Variants in TAFA1 observed in about 807,000 individuals in gnomAD.
The protein encoded by TAFA1 is chemokine-like protein TAFA-1.
TAFA1 carries 4 observed loss-of-function variants against 18.5 expected under a neutral mutation model. That is an observed-to-expected ratio of 0.22 (90% CI 0.11 to 0.49). The LOEUF (loss-of-function observed/expected upper bound fraction) is 0.49, where lower values mean the gene tolerates loss of function less well. TAFA1 is among the 20% of genes least tolerant of loss of function. TAFA1 has a pLI of 0.98. For missense variants in TAFA1, 147 were observed against 169.0 expected (o/e 0.87, Z 0.72); for synonymous variants, 56 against 55.2 (o/e 1.01, Z -0.06).
intron 3 of TAFA1, among the ~76,000 whole-genome samples, chr3:68,453,742 C>T (rs565282634): frequency 1.3e-5 from 2 of 152,272 alleles, no homozygotes; most frequent in African/African-American, 2.4e-5. Context: ...AGGGTGAATG[C>T]TCATTTTATT....
At chr3:68,161,548 C>A (rs2065924985) in intron 2 of TAFA1, among the ~76,000 whole-genome samples, 1 of 152,138 alleles carries the variant, frequency 6.6e-6, no homozygotes, top group Non-Finnish European at 1.5e-5. Flanking sequence ...TTGTATACCA[C>A]CTTACATTTT....
chr3:68,505,884 C>CTT (rs35014492), intron 3 of TAFA1, among the ~76,000 whole-genome samples: 61 of 150,200 alleles, frequency 4.1e-4, no homozygotes, highest in Middle Eastern at 6.9e-3. Context: ...TATTCTATTT[C>CTT]TTTTTTTTTT....
intron 3 of TAFA1, among the ~76,000 whole-genome samples, chr3:68,452,275 C>T (rs1056215938): frequency 6.6e-6 from 1 of 152,066 alleles, no homozygotes; most frequent in African/African-American, 2.4e-5. Context: ...GTAATCCCTG[C>T]ACTTTGGGAG....
intron 2 of TAFA1, among the ~76,000 whole-genome samples, chr3:68,312,541 C>T (rs2068538210): frequency 6.6e-6 from 1 of 152,158 alleles, no homozygotes; most frequent in Admixed American, 6.5e-5. Flanking sequence ...TCACTAGTCT[C>T]TTTGCTAAAA....
chr3:68,386,337 T>TTAGATTG (rs2070103400), intron 2 of TAFA1, among the ~76,000 whole-genome samples: 3 of 152,168 alleles, frequency 2.0e-5, no homozygotes, highest in African/African-American at 7.2e-5. Context: ...TATCACATTT[T>TTAGATTG]TTAGATTAGG....
At chr3:68,331,195 C>T (rs2068862103) in intron 2 of TAFA1, among the ~76,000 whole-genome samples, 1 of 152,146 alleles carries the variant, frequency 6.6e-6, no homozygotes, top group Non-Finnish European at 1.5e-5. Flanking sequence ...ACAAAGGTCA[C>T]ATATTGTATG....
Position 68,165,975 on chromosome 3 carries a change from C to T in TAFA1, c.118+159231C>T, listed in dbSNP as rs866799912. On this transcript the variant is annotated intron_variant, in intron 2 of 4. Transcript: ENST00000478136. Reference sequence around the variant, plus strand: ...CTGAGAAGGGAATAGTTCATTCTGGCTACAAGAGCTAGAAAACTCCAGCCC... The same window carrying T: ...CTGAGAAGGGAATAGTTCATTCTGGTTACAAGAGCTAGAAAACTCCAGCCC... 5.9e-5 allele frequency among the ~76,000 whole-genome samples: 9 copies of T among 152,298 alleles called. No individual in the cohort carries two copies. The South Asian group carries it at 1.7e-3, about 28-fold the overall frequency.
chr3:68,271,532 T>G (rs2107230324), intron 2 of TAFA1, among the ~76,000 whole-genome samples: 1 of 152,230 alleles, frequency 6.6e-6, no homozygotes, highest in South Asian at 2.1e-4. Flanking sequence ...AAACAGCGAT[T>G]TCTAAGAACC....
chr3:68,391,441 A>G (rs1490997930), intron 2 of TAFA1, among the ~76,000 whole-genome samples: 4 of 152,190 alleles, frequency 2.6e-5, no homozygotes, highest in African/African-American at 9.7e-5. Context: ...ACTCTTCAGG[A>G]TATTATCCAG....
intron 2 of TAFA1, among the ~76,000 whole-genome samples, chr3:68,190,753 G>A (rs1336503980): frequency 6.6e-6 from 1 of 151,768 alleles, no homozygotes; most frequent in Non-Finnish European, 1.5e-5. Context: ...CATGTGGGCT[G>A]TTAAGTTTTT....
At chr3:68,345,552 A>G (rs749147500) in intron 2 of TAFA1, among the ~76,000 whole-genome samples, 1 of 152,194 alleles carries the variant, frequency 6.6e-6, no homozygotes, top group Non-Finnish European at 1.5e-5. Context: ...GAAATCAGCA[A>G]TCCGTTGATA....
At chr3:68,393,619 A>G in intron 2 of TAFA1, among the ~76,000 whole-genome samples, 1 of 152,190 alleles carries the variant, frequency 6.6e-6, no homozygotes, top group Non-Finnish European at 1.5e-5. Flanking sequence ...CCTCTATAAT[A>G]TACTGACAGA....
chr3:68,103,273 A>G (rs1575617553), intron 2 of TAFA1, among the ~76,000 whole-genome samples: 1 of 152,202 alleles, frequency 6.6e-6, no homozygotes, highest in African/African-American at 2.4e-5. Context: ...GAGAAAGTGC[A>G]GGGGAATTAG....
chr3:68,066,431 T>C (rs1465476023), intron 2 of TAFA1, among the ~76,000 whole-genome samples: 3 of 152,336 alleles, frequency 2.0e-5, no homozygotes, highest in South Asian at 4.1e-4. Flanking sequence ...TCTCTGTAGA[T>C]ATATGTAAGC....
chr3:68,035,685 C>T (rs1295185725), intron 2 of TAFA1, among the ~76,000 whole-genome samples: 1 of 152,140 alleles, frequency 6.6e-6, no homozygotes, highest in African/African-American at 2.4e-5. Context: ...TCTGAGTATT[C>T]GCCCAAAAGA....
At chr3:68,172,807 T>C (rs2066073357) in intron 2 of TAFA1, among the ~76,000 whole-genome samples, 1 of 152,058 alleles carries the variant, frequency 6.6e-6, no homozygotes, top group Admixed American at 6.6e-5. Context: ...TAAAAAAAAG[T>C]TCAGGATGGG....
At chr3:68,139,073 A>G (rs1575639593) in intron 2 of TAFA1, among the ~76,000 whole-genome samples, 2 of 152,316 alleles carry the variant, frequency 1.3e-5, no homozygotes. Flanking sequence ...TTAGATGTGC[A>G]TTGATGTGCC....
intron 2 of TAFA1, among the ~76,000 whole-genome samples, chr3:68,388,671 C>T (rs538965276): frequency 1.1e-3 from 164 of 152,128 alleles, no homozygotes; most frequent in African/African-American, 3.4e-3. Flanking sequence ...CATACGCTTT[C>T]GGCCTATATT....
intron 2 of TAFA1, among the ~76,000 whole-genome samples, chr3:68,165,959 G>A (rs1222819008): frequency 6.6e-6 from 1 of 152,166 alleles, no homozygotes; most frequent in Non-Finnish European, 1.5e-5. Context: ...ACTGAGAAGG[G>A]AATAGTTCAT....
Sources: gnomAD v4.1 joint callset for allele counts (sites outside exome capture counted in the v4.1 genomes callset) on GRCh38, gnomAD v4.1.1 for gene constraint, MANE v1.5 for transcripts, NCBI Gene and HGNC (gene_info 2026-07-23, HGNC 2026-07-21) for gene names.